Variants in ICE1 observed in about 807,000 individuals in gnomAD.
The protein encoded by ICE1 is little elongation complex subunit 1.
In ICE1, 64 loss-of-function variants were observed where a neutral mutation model predicts 192.7. The observed-to-expected ratio is 0.33, with a 90% CI of 0.27 to 0.41. ICE1 has a LOEUF of 0.41. Among genes scored for constraint, ICE1 ranks in the 10% least tolerant of loss-of-function variants. ICE1 has a pLI of 1.00. For synonymous variants in ICE1, 1,010 were observed against 984.5 expected (o/e 1.03, Z -0.49); for missense variants, 2,708 against 2,696.0 (o/e 1.00, Z -0.10).
chr5:5,476,843 C>G (rs1315251816), intron 17 of ICE1, among the ~76,000 whole-genome samples: 1 of 152,164 alleles, frequency 6.6e-6, no homozygotes, highest in African/African-American at 2.4e-5. Flanking sequence ...GATATCTTCA[C>G]ACCACCTGCC....
chr5:5,428,862 C>A (rs1737611127), intron 1 of ICE1, among the ~76,000 whole-genome samples: 1 of 152,178 alleles, frequency 6.6e-6, no homozygotes, highest in African/African-American at 2.4e-5. Context: ...AACAGCAGAG[C>A]CTTGCATTCC....
At chr5:5,469,965 C>T (rs1276223667) in intron 15 of ICE1, among the ~76,000 whole-genome samples, 1 of 152,086 alleles carries the variant, frequency 6.6e-6, no homozygotes, top group Non-Finnish European at 1.5e-5. Context: ...TGCCAGCTTC[C>T]GGAGAGTTAC....
Position 5,457,658 on chromosome 5 carries a change from C to T in ICE1, c.1018C>T (p.Pro340Ser), listed in dbSNP as rs1738628557. 1 of 1,613,672 alleles carries T rather than the reference C, an allele frequency of 6.2e-7. No homozygotes were observed. The highest frequency in any genetic ancestry group is 8.5e-7 in the Non-Finnish European group (1 of 1,179,794). ...AGCTGCAATTGACTTCTTCAAACTT[C>T]CCCCTCCTCTTCTGTCACCAGTGCC... is the stretch of plus-strand genomic sequence containing the variant. ...LQAAIDFFKL[P>S]PPLLSPVPSP... Residue 340 changes from proline to serine, a missense_variant, in exon 12 of 19, where the codon CCC (proline) becomes TCC (serine). Around this residue, in one of 2 missense-constraint regions of ICE1, gnomAD observed 2,366 missense variants for 2,276.6 expected, o/e 1.04. Coordinates refer to ENST00000296564, the MANE Select transcript of ICE1 (RefSeq NM_015325.3).
intron 18 of ICE1, among the ~76,000 whole-genome samples, chr5:5,488,921 A>ACACT (rs748026892): frequency 9.9e-5 from 15 of 152,252 alleles, no homozygotes; most frequent in Admixed American, 2.6e-4. Flanking sequence ...AGTCCTCAGA[A>ACACT]CACTGCTGGG....
rs371269894 is a variant in ICE1 at position 5,470,106 on chromosome 5, G to A, written c.6222+1118G>A. Among the ~76,000 whole-genome samples the A allele has an allele frequency of 9.2e-5, 14 of 151,960 alleles. No homozygotes were observed. In the East Asian group the frequency reaches 1.2e-3, roughly 13 times the overall value. On this transcript the variant is annotated intron_variant, in intron 15 of 18. Transcript: ENST00000296564. ...CTGTTCCCAGAGAGTTACCTGCCTC[G>A]AGCATTACCTGCCCCAAGAGAGTTA...
chr5:5,437,064 C>G lies in ICE1; in HGVS notation c.144-16C>G. The G allele has an allele frequency of 7.0e-7, 1 of 1,430,420 alleles. No individual in the cohort carries two copies. Among genetic ancestry groups the G allele is most frequent in the Non-Finnish European group, 9.6e-7 (1 of 1,037,730 alleles). The allele number at this position is 1,430,420 out of a possible 1,614,324, so 88.6% of individuals were successfully genotyped here. A position where few individuals can be genotyped will look rare whatever the true frequency, so the allele number is the denominator to read the frequency against. On this transcript the variant is annotated splice_polypyrimidine_tract_variant and intron_variant, in intron 2 of 18. Coordinates refer to ENST00000296564, the MANE Select transcript of ICE1 (RefSeq NM_015325.3). ...TAAATTAAAAAGTAACCTAATTTTT[C>G]TTTTCTTTTTTGCAGTAATTTGTTA...
intron 18 of ICE1, 97 bp downstream of exon 18, chr5:5,486,916 T>G: frequency 1.3e-6 from 1 of 764,840 alleles, no homozygotes; most frequent in Non-Finnish European, 2.1e-6. Context: ...GCTCTGTGCT[T>G]TGCTTGCTGC....
At chr5:5,439,819 T>G in intron 3 of ICE1, 76 bp from the exon 4 acceptor site, 1 of 948,500 alleles carries the variant, frequency 1.1e-6, no homozygotes, top group South Asian at 1.7e-5. Context: ...TTATTAAAGA[T>G]AATTGTAAAG....
Position 5,461,727 on chromosome 5 carries a change from G to A in ICE1, c.2393G>A (p.Arg798Lys), listed in dbSNP as rs1738786481. ...TCATGGCACCATAGTGATTTATTAAGGAAAGGTGGCGAAGAAAGTCTGAGA... is the reference window on the plus strand; with the variant it reads ...TCATGGCACCATAGTGATTTATTAAAGAAAGGTGGCGAAGAAAGTCTGAGA... ...STSWHHSDLL[R>K]KGGEESLRAK... Residue 798 changes from arginine to lysine, a missense_variant, in exon 13 of 19, where the codon AGG (arginine) becomes AAG (lysine). This residue lies in a region of ICE1 where 2,366 missense variants were observed against 2,276.6 expected (regional missense o/e 1.04). Transcript: ENST00000296564. 5.0e-6 allele frequency: 8 copies of A among 1,613,726 alleles called. No homozygotes were observed. Among genetic ancestry groups the A allele is most frequent in the Non-Finnish European group, 6.8e-6 (8 of 1,179,782 alleles).
chr5:5,488,462 C>T (rs894534254), intron 18 of ICE1, among the ~76,000 whole-genome samples: 29 of 152,234 alleles, frequency 1.9e-4, no homozygotes, highest in Non-Finnish European at 4.0e-4. Flanking sequence ...GTTTCAGCTT[C>T]GGAGCATTTT....
At chr5:5,441,467 GCTT>G (rs1296439395) in intron 5 of ICE1, among the ~76,000 whole-genome samples, 4 of 152,164 alleles carry the variant, frequency 2.6e-5, no homozygotes, top group Non-Finnish European at 5.9e-5. Flanking sequence ...AGCAGAAAAT[GCTT>G]CTCACTATGA....
intron 1 of ICE1, 28 bp downstream of exon 1, chr5:5,423,027 CG>C (rs556531306): frequency 1.9e-4 from 248 of 1,312,814 alleles, no homozygotes; most frequent in South Asian, 8.5e-4. Flanking sequence ...GCCCCGGGCG[CG>C]GGGGGGGACT....
At chr5:5,447,604 A>G in intron 8 of ICE1, 95 bp downstream of exon 8, 1 of 1,355,926 alleles carries the variant, frequency 7.4e-7, no homozygotes, top group Non-Finnish European at 1.0e-6. Context: ...AGTCAACATG[A>G]GGCCCCCTGG....
rs1303437120 is a variant in ICE1 at position 5,423,011 on chromosome 5, C to T, written c.84+12C>T. 2.2e-6 allele frequency: 3 copies of T among 1,371,060 alleles called. No homozygotes were observed. The highest frequency in any genetic ancestry group is 3.0e-5 in the Admixed American group (1 of 33,224). 84.9% of individuals were successfully genotyped at this position (1,371,060 alleles called of 1,614,324 possible). A position where few individuals can be genotyped will look rare whatever the true frequency, so the allele number is the denominator to read the frequency against. On this transcript the variant is annotated intron_variant, in intron 1 of 18. Transcript: ENST00000296564. ...CCTCTCTGCAGCAGGTGCAGCACCT[C>T]CCGGGGCCCCGGGCGCGGGGGGGGA... is the stretch of plus-strand genomic sequence containing the variant.
intron 10 of ICE1, among the ~76,000 whole-genome samples, chr5:5,448,491 C>T (rs180674735): frequency 3.9e-4 from 60 of 152,256 alleles, no homozygotes; most frequent in African/African-American, 1.4e-3. Context: ...TCCATCCTTC[C>T]ATTTGTTGTG....
chr5:5,453,227 A>G (rs2111364797), intron 10 of ICE1, among the ~76,000 whole-genome samples: 1 of 152,188 alleles, frequency 6.6e-6, no homozygotes, highest in African/African-American at 2.4e-5. Flanking sequence ...GTTATATCAC[A>G]ATGTAGATAA....
chr5:5,443,233 G>T lies in ICE1; in HGVS notation c.375G>T (p.Lys125Asn). Reference sequence around the variant, plus strand: ...CTCGTGTAAAGGAAGAATGCTTGAAGAGTGATGCTCAGTAAGTAGTTACTA... The same window carrying T: ...CTCGTGTAAAGGAAGAATGCTTGAATAGTGATGCTCAGTAAGTAGTTACTA... ...EYARVKEECL[K>N]SDAQKKKLEA... is the part of the protein sequence containing the mutation. The change falls in exon 6 of 19, where the codon AAG becomes AAT. Residue 125 changes from lysine (K) to asparagine (N), a missense_variant. Physicochemically the swap from Lys to Asn is moderately conservative, Grantham distance 94. This residue lies in a region of ICE1 where 2,366 missense variants were observed against 2,276.6 expected (regional missense o/e 1.04). Coordinates refer to ENST00000296564, the MANE Select transcript of ICE1 (RefSeq NM_015325.3). 6.7e-7 allele frequency: 1 copy of T among 1,494,380 alleles called. No homozygotes were observed. The highest frequency in any genetic ancestry group is 1.3e-5 in the South Asian group (1 of 77,950). The allele number at this position is 1,494,380 out of a possible 1,614,324, so 92.6% of individuals were successfully genotyped here.
Position 5,463,869 on chromosome 5 carries a change from A to G in ICE1, c.4535A>G (p.Asn1512Ser), listed in dbSNP as rs1738886555. ...STNFDKSRLR[N>S]RPVKPSIWIS... ...AACTTTGATAAGAGTCGTTTGCGAA[A>G]TAGACCCGTTAAGCCTAGTATATGG... Residue 1512 changes from asparagine to serine, a missense_variant, in exon 13 of 19, where the codon AAT (asparagine) becomes AGT (serine). Around this residue, in one of 2 missense-constraint regions of ICE1, gnomAD observed 2,366 missense variants for 2,276.6 expected, o/e 1.04. Transcript: ENST00000296564. The G allele has an allele frequency of 9.3e-6, 15 of 1,613,990 alleles. No homozygotes were observed. Among genetic ancestry groups the G allele is most frequent in the Non-Finnish European group, 1.3e-5 (15 of 1,179,872 alleles).
intron 17 of ICE1, among the ~76,000 whole-genome samples, chr5:5,479,941 TG>T (rs1208821349): frequency 6.7e-6 from 1 of 149,594 alleles, no homozygotes; most frequent in Non-Finnish European, 1.5e-5. Context: ...TGTCGGGGCA[TG>T]GGGGGTAAGG....
Sources: allele counts gnomAD v4.1 joint callset (sites outside exome capture counted in the v4.1 genomes callset), GRCh38; gene constraint gnomAD v4.1.1; regional missense constraint gnomAD v4.1.1; transcripts MANE v1.5; gene names NCBI Gene and HGNC (gene_info 2026-07-23, HGNC 2026-07-21).